The following TRIP6 variants were observed in gnomAD, a reference collection of about 807,000 sequenced individuals.
TRIP6 encodes thyroid receptor-interacting protein 6.
TRIP6 carries 33 observed loss-of-function variants against 51.9 expected under a neutral mutation model. The ratio of observed to expected loss-of-function variants is 0.64; its 90% CI spans 0.48 to 0.85. The LOEUF is 0.85. Among genes scored for constraint, TRIP6 ranks in the 40% least tolerant of loss-of-function variants. TRIP6 has a pLI of 0.00. For missense variants in TRIP6, 661 were observed against 652.1 expected, an observed-to-expected ratio of 1.01 and a Z score of -0.15; for synonymous variants, 255 against 275.8, an observed-to-expected ratio of 0.92 and a Z score of 0.75.
Position 100,867,424 on chromosome 7 carries a change from C to G in TRIP6, c.-74C>G, listed in dbSNP as rs915288297. ...CTTTTCTGGAGTCCCAAACGAGGTG[C>G]GGGACGGAAGAGGGGGTGAAGGCCA... On this transcript the variant is annotated 5_prime_UTR_variant, in exon 1 of 9. Transcript: ENST00000200457. The surrounding 1 kb of genome is among the most constrained non-coding windows in gnomAD (Gnocchi z 5.4). 14 of 1,107,958 alleles carry G rather than the reference C, an allele frequency of 1.3e-5. No homozygotes were observed. In the East Asian group the frequency reaches 4.5e-4, roughly 35 times the overall value. 68.6% of individuals were successfully genotyped at this position (1,107,958 alleles called of 1,614,324 possible). A position where few individuals can be genotyped will look rare whatever the true frequency, so the allele number is the denominator to read the frequency against.
Position 100,873,256 on chromosome 7 carries a change from G to C in TRIP6, c.1384G>C (p.Ala462Pro), listed in dbSNP as rs748260838. 6.2e-7 allele frequency: 1 copy of C among 1,613,236 alleles called. No individual in the cohort carries two copies. The highest frequency in any genetic ancestry group is 8.5e-7 in the Non-Finnish European group (1 of 1,179,394). The change falls in exon 9 of 9, where the codon GCC becomes CCC. Residue 462 changes from alanine to proline, a missense_variant. Physicochemically the swap from Ala to Pro is conservative, Grantham distance 27. Transcript: ENST00000200457. ...GCACATCTTGTGCAAGGCCTGCAGCGCCTGGCGCATCCAGGAGCTCTCAGC... is the reference window on the plus strand; with the variant it reads ...GCACATCTTGTGCAAGGCCTGCAGCCCCTGGCGCATCCAGGAGCTCTCAGC... ...DGHILCKACS[A>P]WRIQELSATV...
intron 3 of TRIP6, 69 bp from the exon 4 acceptor site, chr7:100,868,426 T>A: frequency 6.2e-7 from 1 of 1,607,180 alleles, no homozygotes; most frequent in Non-Finnish European, 8.5e-7. Context: ...ACAGCCAGGG[T>A]CATTTCCACA....
In TRIP6 at chr7:100,873,282, C is replaced by T. The variant is rs138613437; in HGVS notation, c.1410C>T (p.Ala470=). The change falls in exon 9 of 9, where the codon GCC becomes GCT. Residue 470 remains alanine, a synonymous_variant. Transcript: ENST00000200457. The part of the protein sequence containing the change: ...CSAWRIQELS[A]TVTTDC ...CCTGGCGCATCCAGGAGCTCTCAGC[C>T]ACCGTCACCACTGACTGCTGAGTCT... is the stretch of plus-strand genomic sequence containing the variant. 4.0e-4 allele frequency: 642 copies of T among 1,610,482 alleles called. 1 individual carries two copies. The highest frequency in any genetic ancestry group is 5.3e-4 in the Non-Finnish European group (621 of 1,177,334).
Position 100,868,625 on chromosome 7 carries a change from G to C in TRIP6, c.494G>C (p.Gly165Ala). Residue 165 changes from glycine (G) to alanine (A), a missense_variant, in exon 4 of 9, where the codon GGC (glycine) becomes GCC (alanine). By Grantham distance (60) the Gly-to-Ala change is moderately conservative. Coordinates refer to ENST00000200457, the MANE Select transcript of TRIP6 (RefSeq NM_003302.3). Reference protein sequence around the residue: ...ASYTTASTPAGPAFPVQVKVA... With the variant: ...ASYTTASTPAAPAFPVQVKVA... ...TACACTACCGCCAGCACCCCGGCTG[G>C]CCCAGCCTTCCCCGTGCAAGTGAAG... The C allele has an allele frequency of 5.6e-6, 9 of 1,612,444 alleles. No individual in the cohort carries two copies. The highest frequency in any genetic ancestry group is 7.6e-6 in the Non-Finnish European group (9 of 1,179,726).
rs773470075 is a variant in TRIP6 at position 100,872,615 on chromosome 7, C to G, written c.1179-9C>G. 6.2e-7 allele frequency: 1 copy of G among 1,613,870 alleles called. No homozygotes were observed. The highest frequency in any genetic ancestry group is 1.1e-5 in the South Asian group (1 of 91,066). On this transcript the variant is annotated splice_polypyrimidine_tract_variant and intron_variant, in intron 7 of 8. Coordinates refer to ENST00000200457, the MANE Select transcript of TRIP6 (RefSeq NM_003302.3). ...GCTTGATGGCCTTCTTGGTTCTCTTCCCCTGCAGGAAGTTTGCCCCAAGAT... is the reference window on the plus strand; with the variant it reads ...GCTTGATGGCCTTCTTGGTTCTCTTGCCCTGCAGGAAGTTTGCCCCAAGAT...
chr7:100,870,313 C>T lies in TRIP6; in HGVS notation c.736-57C>T. 3.8e-6 allele frequency: 6 copies of T among 1,558,962 alleles called. 1 individual carries two copies. In the South Asian group the frequency reaches 6.9e-5, roughly 18 times the overall value. ...AGGCCATGGCCTGGCGGCTGAGGGC[C>T]CTGGTATTACAGCATCAGGAGCTAG... On this transcript the variant is annotated intron_variant, in intron 4 of 8. Coordinates refer to ENST00000200457, the MANE Select transcript of TRIP6 (RefSeq NM_003302.3).
intron 6 of TRIP6, 159 bp downstream of exon 6, chr7:100,870,902 G>GC (rs1205887170): frequency 2.0e-6 from 2 of 1,012,812 alleles, no homozygotes; most frequent in Non-Finnish European, 1.4e-6. Context: ...CAAGTATCAA[G>GC]CAAGTAGCTT....
chr7:100,868,607 C>T lies in TRIP6; in HGVS notation c.476C>T (p.Thr159Ile). The T allele has an allele frequency of 6.2e-7, 1 of 1,612,912 alleles. No homozygotes were observed. The highest frequency in any genetic ancestry group is 8.5e-7 in the Non-Finnish European group (1 of 1,179,956). Residue 159 changes from threonine (T) to isoleucine (I), a missense_variant, in exon 4 of 9, where the codon ACC becomes ATC. By Grantham distance (89) the Thr-to-Ile change is moderately conservative. Transcript: ENST00000200457. ...YGGPTPASYTTASTPAGPAFP... is the reference protein window; with the variant it reads ...YGGPTPASYTIASTPAGPAFP... ...GGCCCCACTCCAGCCTCTTACACTA[C>T]CGCCAGCACCCCGGCTGGCCCAGCC...
chr7:100,869,449 A>G (rs1035655188), intron 4 of TRIP6, among the ~76,000 whole-genome samples: 1 of 150,144 alleles, frequency 6.7e-6, no homozygotes, highest in Non-Finnish European at 1.5e-5. Context: ...ACTGACCAAC[A>G]TGGAGAAACC....
Position 100,872,618 on chromosome 7 carries a change from CT to C in TRIP6, c.1179-5del. ...TGATGGCCTTCTTGGTTCTCTTCCC[CT>C]GCAGGAAGTTTGCCCCAAGATGCTC... On this transcript the variant is annotated splice_region_variant and splice_polypyrimidine_tract_variant and intron_variant, in intron 7 of 8. Transcript: ENST00000200457. 6.2e-7 allele frequency: 1 copy of C among 1,613,964 alleles called. No individual in the cohort carries two copies. Among genetic ancestry groups the C allele is most frequent in the Admixed American group, 1.7e-5 (1 of 59,996 alleles).
Position 100,867,684 on chromosome 7 carries a change from C to A in TRIP6, c.109+78C>A. On this transcript the variant is annotated intron_variant, in intron 1 of 8. Coordinates refer to ENST00000200457, the MANE Select transcript of TRIP6 (RefSeq NM_003302.3). This position sits in a 1 kb window ranked among gnomAD's most constrained non-coding sequence, Gnocchi z 5.4. ...TGTCCTACCGCTCCAGCCTCCCGCC[C>A]TGGCTGCTTCCTCCTGCCCCTTCCC... 1 of 1,565,244 alleles carries A rather than the reference C, an allele frequency of 6.4e-7. No individual in the cohort carries two copies. Among genetic ancestry groups the A allele is most frequent in the South Asian group, 1.1e-5 (1 of 87,588 alleles).
chr7:100,871,387 G>A (rs1489404603), intron 6 of TRIP6, among the ~76,000 whole-genome samples, 156 bp from the exon 7 acceptor site: 1 of 152,204 alleles, frequency 6.6e-6, no homozygotes, highest in East Asian at 1.9e-4. Context: ...GCTGGGACCT[G>A]AACTCAGATC....
intron 4 of TRIP6, among the ~76,000 whole-genome samples, chr7:100,869,275 G>A (rs1405490680): frequency 6.6e-6 from 1 of 151,628 alleles, no homozygotes; most frequent in Non-Finnish European, 1.5e-5. Flanking sequence ...TGGTTTTGGA[G>A]CAGAGTCAGA....
In TRIP6 at chr7:100,873,283, A is replaced by C; in HGVS notation, c.1411A>C (p.Thr471Pro). Residue 471 changes from threonine to proline, a missense_variant, in exon 9 of 9, where the codon ACC becomes CCC. Transcript: ENST00000200457. ...SAWRIQELSA[T>P]VTTDC is the part of the protein sequence containing the mutation. ...CTGGCGCATCCAGGAGCTCTCAGCC[A>C]CCGTCACCACTGACTGCTGAGTCTT... 1 of 1,610,490 alleles carries C rather than the reference A, an allele frequency of 6.2e-7. No individual in the cohort carries two copies.
Position 100,872,612 on chromosome 7 carries a change from C to A in TRIP6, c.1179-12C>A. On this transcript the variant is annotated splice_polypyrimidine_tract_variant and intron_variant, in intron 7 of 8. Coordinates refer to ENST00000200457, the MANE Select transcript of TRIP6 (RefSeq NM_003302.3). ...AAGGCTTGATGGCCTTCTTGGTTCT[C>A]TTCCCCTGCAGGAAGTTTGCCCCAA... The A allele has an allele frequency of 6.2e-7, 1 of 1,613,902 alleles. No individual in the cohort carries two copies. Among genetic ancestry groups the A allele is most frequent in the South Asian group, 1.1e-5 (1 of 91,072 alleles).
At position 100,871,724 on chromosome 7, in the gene TRIP6, C is replaced by G; in HGVS notation, c.1178+3C>G. 6.2e-7 allele frequency: 1 copy of G among 1,612,286 alleles called. No individual in the cohort carries two copies. Among genetic ancestry groups the G allele is most frequent in the Non-Finnish European group, 8.5e-7 (1 of 1,178,734 alleles). ...CACTGCATTGAGGACTTTCACAGGT[C>G]AGGCCTGGCCTCCACCTTGTCTCAC... is the stretch of plus-strand genomic sequence containing the variant. On this transcript the variant is annotated splice_donor_region_variant and intron_variant, in intron 7 of 8. Transcript: ENST00000200457.
chr7:100,870,570 T>C lies in TRIP6; in HGVS notation c.830-4T>C. ...AGACTGATGCTGTTTCTCCCTGTCC[T>C]CAGGCCAGTGTGGTGGCTGCGGAGA... On this transcript the variant is annotated splice_polypyrimidine_tract_variant and splice_region_variant and intron_variant, in intron 5 of 8. Transcript: ENST00000200457. The C allele has an allele frequency of 6.2e-7, 1 of 1,613,444 alleles. No individual in the cohort carries two copies. Among genetic ancestry groups the C allele is most frequent in the South Asian group, 1.1e-5 (1 of 91,014 alleles).
Position 100,868,641 on chromosome 7 carries a change from G to A in TRIP6, c.510G>A (p.Val170=). 6.2e-7 allele frequency: 1 copy of A among 1,611,656 alleles called. No individual in the cohort carries two copies. Residue 170 remains valine (V), a synonymous_variant, in exon 4 of 9, where the codon GTG becomes GTA. Transcript: ENST00000200457. The part of the protein sequence containing the change: ...ASTPAGPAFP[V]QVKVAQPVRG... ...CCCCGGCTGGCCCAGCCTTCCCCGTGCAAGTGAAGGTGGCACAGCCAGTGA... is the reference window on the plus strand; with the variant it reads ...CCCCGGCTGGCCCAGCCTTCCCCGTACAAGTGAAGGTGGCACAGCCAGTGA...
At position 100,867,929 on chromosome 7, in the gene TRIP6, G is replaced by A; in HGVS notation, c.178G>A (p.Gly60Arg). The change falls in exon 2 of 9, where the codon GGA (glycine) becomes AGA (arginine). Residue 60 changes from glycine (G) to arginine (R), a missense_variant. By Grantham distance (125) the Gly-to-Arg change is moderately radical. Coordinates refer to ENST00000200457, the MANE Select transcript of TRIP6 (RefSeq NM_003302.3). This position sits in a 1 kb window ranked among gnomAD's most constrained non-coding sequence, Gnocchi z 5.4. ...PSEQCYQAPG[G>R]PEDRGPAWVG... ...TGAGCAGTGTTACCAGGCCCCAGGGGGACCGGAGGATCGGGGGCCGGCGTG... is the reference window on the plus strand; with the variant it reads ...TGAGCAGTGTTACCAGGCCCCAGGGAGACCGGAGGATCGGGGGCCGGCGTG... 6.6e-7 allele frequency: 1 copy of A among 1,516,130 alleles called. No individual in the cohort carries two copies. Among genetic ancestry groups the A allele is most frequent in the Non-Finnish European group, 8.8e-7 (1 of 1,136,670 alleles). The allele number at this position is 1,516,130 out of a possible 1,614,324, so 93.9% of individuals were successfully genotyped here. A position where few individuals can be genotyped will look rare whatever the true frequency, so the allele number is the denominator to read the frequency against.
Sources: allele counts gnomAD v4.1 joint callset (sites outside exome capture counted in the v4.1 genomes callset), GRCh38; gene constraint gnomAD v4.1.1; non-coding constraint Gnocchi (gnomAD v3.1); transcripts MANE v1.5; gene names NCBI Gene and HGNC (gene_info 2026-07-23, HGNC 2026-07-21).